Variants in XPO6 observed in about 807,000 individuals in gnomAD.
XPO6 encodes exportin-6.
Under a neutral mutation model 130.0 loss-of-function variants are expected in XPO6, and 3 were observed. The observed-to-expected ratio is 0.02, with a 90% CI of 0.01 to 0.06. The LOEUF (loss-of-function observed/expected upper bound fraction) is 0.06, where lower values mean the gene tolerates loss of function less well. XPO6 is among the 10% of genes least tolerant of loss of function. XPO6 has a pLI of 1.00. For synonymous variants in XPO6, 524 were observed against 548.9 expected (o/e 0.95, Z 0.63); for missense variants, 970 against 1,393.0 (o/e 0.70, Z 4.83).
chr16:28,099,918 A>G (rs1326935688), intron 23 of XPO6, among the ~76,000 whole-genome samples: 1 of 152,238 alleles, frequency 6.6e-6, no homozygotes, highest in African/African-American at 2.4e-5. Context: ...ATGCCAAACC[A>G]GAATTTCCTG....
intron 1 of XPO6, among the ~76,000 whole-genome samples, chr16:28,206,550 AAAAT>A (rs1482050468): frequency 6.6e-6 from 1 of 152,148 alleles, no homozygotes; most frequent in African/African-American, 2.4e-5. Context: ...CCTGTCTCAA[AAAAT>A]AAATAAATAT....
chr16:28,120,525 A>C (rs1416957345), intron 14 of XPO6, among the ~76,000 whole-genome samples: 1 of 152,184 alleles, frequency 6.6e-6, no homozygotes, highest in Non-Finnish European at 1.5e-5. Flanking sequence ...CAGCCTTAGG[A>C]GTAAGAATTT....
intron 10 of XPO6, among the ~76,000 whole-genome samples, chr16:28,134,434 A>AT (rs1174794554): frequency 1.3e-5 from 2 of 152,358 alleles, no homozygotes; most frequent in East Asian, 3.9e-4. Flanking sequence ...CCATGGTGAC[A>AT]TTTAAGAAGC....
chr16:28,196,264 C>G (rs1198299188), intron 1 of XPO6, among the ~76,000 whole-genome samples: 2 of 152,136 alleles, frequency 1.3e-5, no homozygotes, highest in Non-Finnish European at 2.9e-5. Flanking sequence ...AATACAGATT[C>G]AATTCAACTT....
At chr16:28,203,510 T>C (rs914490128) in intron 1 of XPO6, among the ~76,000 whole-genome samples, 1 of 152,106 alleles carries the variant, frequency 6.6e-6, no homozygotes, top group Non-Finnish European at 1.5e-5. Context: ...ACTACCTTCA[T>C]GTCAACAGCG....
intron 1 of XPO6, among the ~76,000 whole-genome samples, chr16:28,207,009 G>A (rs1171799870): frequency 6.6e-6 from 1 of 152,140 alleles, no homozygotes; most frequent in Non-Finnish European, 1.5e-5. Context: ...CACTTTGGGA[G>A]GCCAAGGTGG....
intron 15 of XPO6, among the ~76,000 whole-genome samples, chr16:28,115,543 G>C (rs1285126570): frequency 6.6e-6 from 1 of 152,168 alleles, no homozygotes; most frequent in African/African-American, 2.4e-5. Context: ...TGTCATTCAG[G>C]CTTTGTTGTT....
At chr16:28,147,824 G>A (rs567566982) in intron 8 of XPO6, among the ~76,000 whole-genome samples, 4 of 152,346 alleles carry the variant, frequency 2.6e-5, no homozygotes, top group African/African-American at 4.8e-5. Flanking sequence ...ATGCACGCCT[G>A]TGATCCCAGC....
intron 1 of XPO6, among the ~76,000 whole-genome samples, chr16:28,186,775 G>A (rs548585817): frequency 4.0e-5 from 6 of 151,416 alleles, no homozygotes; most frequent in East Asian, 1.9e-4. Context: ...GGGCTCAGGC[G>A]ATCCTCCCCA....
chr16:28,172,737 C>A, intron 4 of XPO6, among the ~76,000 whole-genome samples: 1 of 151,656 alleles, frequency 6.6e-6, no homozygotes, highest in East Asian at 1.9e-4. Context: ...ACTGTCACAG[C>A]GTTTAAAAAA....
intron 1 of XPO6, among the ~76,000 whole-genome samples, chr16:28,196,682 A>T (rs1397777426): frequency 6.6e-6 from 1 of 152,202 alleles, no homozygotes; most frequent in Non-Finnish European, 1.5e-5. Context: ...GATATCTGAT[A>T]AAAAGATTAA....
At chr16:28,177,164 T>C (rs1041283491) in intron 3 of XPO6, 56 bp downstream of exon 3, 5 of 1,218,780 alleles carry the variant, frequency 4.1e-6, no homozygotes, top group African/African-American at 1.5e-5. Context: ...GCTAATGATA[T>C]GGCAATAGAA....
chr16:28,098,364 C>T lies in XPO6; in HGVS notation c.*174G>A. On this transcript the variant is annotated 3_prime_UTR_variant, in exon 24 of 24. Transcript: ENST00000304658. Reference sequence around the variant, plus strand: ...CCAGTGCTCAGGTGGACCCAGAAGCCAGCTCTGCTGGGCAGCGGCAAGATG... The same window carrying T: ...CCAGTGCTCAGGTGGACCCAGAAGCTAGCTCTGCTGGGCAGCGGCAAGATG... 1 of 590,752 alleles carries T rather than the reference C, an allele frequency of 1.7e-6. No individual in the cohort carries two copies. Among genetic ancestry groups the T allele is most frequent in the Non-Finnish European group, 3.0e-6 (1 of 336,966 alleles). 36.6% of individuals were successfully genotyped at this position (590,752 alleles called of 1,614,324 possible). A position where few individuals can be genotyped will look rare whatever the true frequency, so the allele number is the denominator to read the frequency against.
chr16:28,152,541 A>G (rs1596887887), intron 8 of XPO6, 118 bp downstream of exon 8: 1 of 1,258,806 alleles, frequency 7.9e-7, no homozygotes, highest in East Asian at 2.7e-5. Context: ...GACTCTTCAC[A>G]TAATAAGCAT....
At chr16:28,133,780 C>T in intron 11 of XPO6, 61 bp downstream of exon 11, 2 of 1,516,318 alleles carry the variant, frequency 1.3e-6, no homozygotes, top group African/African-American at 2.7e-5. Flanking sequence ...GGGAGTCAAC[C>T]AGCCATGCTC....
chr16:28,159,528 A>G (rs2043238170), intron 6 of XPO6, among the ~76,000 whole-genome samples: 1 of 152,236 alleles, frequency 6.6e-6, no homozygotes, highest in Non-Finnish European at 1.5e-5. Flanking sequence ...GGAGGATAAC[A>G]GACAAAGAAA....
chr16:28,169,885 G>T lies in XPO6; in HGVS notation c.430C>A (p.Pro144Thr). Residue 144 changes from proline to threonine, a missense_variant, in exon 5 of 24, where the codon CCC becomes ACC. Physicochemically the swap from Pro to Thr is conservative, Grantham distance 38 (BLOSUM62 -1). Coordinates refer to ENST00000304658, the MANE Select transcript of XPO6 (RefSeq NM_015171.4). ...LQLIQSPVTT[P>T]LGLIMLKTTS... The stretch of plus-strand genomic sequence containing the variant: ...GTCTTCAACATGATCAGCCCAAGGG[G>T]GGTTGTCACAGGGGACTGGATCAAC... 1 of 1,614,068 alleles carries T rather than the reference G, an allele frequency of 6.2e-7. No homozygotes were observed.
intron 13 of XPO6, among the ~76,000 whole-genome samples, chr16:28,123,134 T>C (rs1298951301): frequency 6.6e-6 from 1 of 152,098 alleles, no homozygotes; most frequent in Non-Finnish European, 1.5e-5. Flanking sequence ...AGAAAGCGTC[T>C]TGCTCTGTCA....
chr16:28,189,613 G>A (rs111479244), intron 1 of XPO6, among the ~76,000 whole-genome samples: 1 of 152,100 alleles, frequency 6.6e-6, no homozygotes. Flanking sequence ...TTCTACTGAA[G>A]CAAACAGACA....
Sources: allele counts gnomAD v4.1 joint callset (sites outside exome capture counted in the v4.1 genomes callset), GRCh38; gene constraint gnomAD v4.1.1; transcripts MANE v1.5; gene names NCBI Gene and HGNC (gene_info 2026-07-23, HGNC 2026-07-21).